Variants in INPP4B observed in about 807,000 individuals in gnomAD.
INPP4B encodes the protein inositol polyphosphate 4-phosphatase type II.
Under a neutral mutation model 122.5 loss-of-function variants are expected in INPP4B, and 55 were observed. The ratio of observed to expected loss-of-function variants is 0.45; its 90% CI spans 0.36 to 0.56. The LOEUF (loss-of-function observed/expected upper bound fraction) is 0.56, where lower values mean the gene tolerates loss of function less well. INPP4B is among the 20% of genes least tolerant of loss of function. INPP4B has a pLI of 0.00. For missense variants in INPP4B, 1,000 were observed against 1,097.7 expected, an observed-to-expected ratio of 0.91 and a Z score of 1.26; for synonymous variants, 403 against 388.7, an observed-to-expected ratio of 1.04 and a Z score of -0.43.
chr4:142,378,618 C>A lies in INPP4B; in HGVS notation c.372+24320G>T, dbSNP rs957477986. Among the ~76,000 whole-genome samples, 10 of 152,266 alleles carry A rather than the reference C, an allele frequency of 6.6e-5. No homozygotes were observed. In the East Asian group the frequency reaches 1.7e-3, roughly 26 times the overall value. ...TAAGCCTACATTAATTGAAAAGATTCTCTCCTTAGAGAGGAGAATATGTCT... is the reference window on the plus strand; with the variant it reads ...TAAGCCTACATTAATTGAAAAGATTATCTCCTTAGAGAGGAGAATATGTCT... On this transcript the variant is annotated intron_variant, in intron 7 of 25. Transcript: ENST00000262992.
At chr4:142,384,067 C>G (rs895217429) in intron 7 of INPP4B, 1 of 701,904 alleles carries the variant, frequency 1.4e-6, no homozygotes, top group African/African-American at 1.7e-5. Flanking sequence ...TGTCTCAGCT[C>G]TGAGGACCTC....
chr4:142,712,047 C>CA (rs1335194245), intron 2 of INPP4B, among the ~76,000 whole-genome samples: 193 of 152,004 alleles, frequency 1.3e-3, no homozygotes, highest in East Asian at 3.9e-4. Flanking sequence ...GACTCTGTCT[C>CA]AAAAATAATA....
intron 7 of INPP4B, among the ~76,000 whole-genome samples, chr4:142,369,628 A>G (rs1008449700): frequency 6.7e-6 from 1 of 150,244 alleles, no homozygotes; most frequent in Non-Finnish European, 1.5e-5. Flanking sequence ...AAATAAAAAA[A>G]TAAAAAAAAT....
chr4:142,795,990 G>GA (rs1160153245), intron 1 of INPP4B, among the ~76,000 whole-genome samples: 9 of 151,812 alleles, frequency 5.9e-5, no homozygotes, highest in African/African-American at 2.2e-4. Flanking sequence ...TCTAATATGA[G>GA]AAAAATGTAC....
chr4:142,031,461 T>C (rs951788774), intron 25 of INPP4B, among the ~76,000 whole-genome samples: 28 of 152,214 alleles, frequency 1.8e-4, no homozygotes, highest in African/African-American at 6.8e-4. Flanking sequence ...TCATACAATA[T>C]GAATTAGTGT....
At chr4:142,249,719 C>T (rs1731005427) in intron 11 of INPP4B, among the ~76,000 whole-genome samples, 2 of 152,134 alleles carry the variant, frequency 1.3e-5, no homozygotes, top group Admixed American at 6.5e-5. Flanking sequence ...AAAACCTAGG[C>T]TTTAAAATCA....
intron 7 of INPP4B, among the ~76,000 whole-genome samples, chr4:142,380,937 C>T (rs781252976): frequency 1.3e-5 from 2 of 152,104 alleles, no homozygotes; most frequent in South Asian, 2.1e-4. Flanking sequence ...CAATTTATTA[C>T]ATCCTTCTTT....
intron 23 of INPP4B, among the ~76,000 whole-genome samples, chr4:142,092,309 G>C (rs1460594011): frequency 6.6e-6 from 1 of 152,058 alleles, no homozygotes; most frequent in African/African-American, 2.4e-5. Context: ...TTTGTTTTTT[G>C]AGACAGAGTC....
At chr4:142,288,468 C>T (rs908822566) in intron 9 of INPP4B, among the ~76,000 whole-genome samples, 1 of 152,082 alleles carries the variant, frequency 6.6e-6, no homozygotes, top group East Asian at 1.9e-4. Flanking sequence ...CCTGTAGTCC[C>T]AGCTACTCAG....
rs60148840 is a variant in INPP4B, at chr4:142,462,389, T to C, written c.-127+274A>G. Among the ~76,000 whole-genome samples the C allele has an allele frequency of 6.2e-3, 948 of 152,310 alleles. 14 individuals are homozygous for C. Among genetic ancestry groups the C allele is most frequent in the African/African-American group, 0.022 (894 of 41,576 alleles). ...TTCCCAAATAAAGCATATGCATTAA[T>C]TTAATAATAAGTAATAATATTAATT... On this transcript the variant is annotated intron_variant, in intron 3 of 25. Transcript: ENST00000262992.
chr4:142,792,927 C>A (rs572075185), intron 1 of INPP4B, among the ~76,000 whole-genome samples: 2 of 151,818 alleles, frequency 1.3e-5, no homozygotes, highest in Non-Finnish European at 2.9e-5. Context: ...TTCTCTATAC[C>A]CCAATCTTGG....
intron 7 of INPP4B, among the ~76,000 whole-genome samples, chr4:142,333,010 C>CAA (rs1158290884): frequency 0.023 from 986 of 42,970 alleles, 20 homozygotes; most frequent in African/African-American, 0.027. Context: ...GACTCCGTCT[C>CAA]AAAAAAAAAA....
At chr4:142,052,541 G>A (rs527578951) in intron 25 of INPP4B, among the ~76,000 whole-genome samples, 1 of 152,154 alleles carries the variant, frequency 6.6e-6, no homozygotes, top group Non-Finnish European at 1.5e-5. Context: ...GACAAGACAT[G>A]TACAAATAAT....
At chr4:142,285,226 A>G (rs1205385634) in intron 9 of INPP4B, among the ~76,000 whole-genome samples, 1 of 152,058 alleles carries the variant, frequency 6.6e-6, no homozygotes, top group African/African-American at 2.4e-5. Context: ...AGGGCAGAGA[A>G]AAGCCTGAGA....
At chr4:142,586,171 A>G (rs1322553535) in intron 2 of INPP4B, among the ~76,000 whole-genome samples, 2 of 151,978 alleles carry the variant, frequency 1.3e-5, no homozygotes, top group Non-Finnish European at 2.9e-5. Flanking sequence ...TTAGCTGGGC[A>G]TAATGGCTTC....
At chr4:142,805,078 T>C (rs1213286599) in intron 1 of INPP4B, among the ~76,000 whole-genome samples, 1 of 152,182 alleles carries the variant, frequency 6.6e-6, no homozygotes, top group Non-Finnish European at 1.5e-5. Flanking sequence ...AACAACCGAA[T>C]GGTTATATTA....
In INPP4B at chr4:142,608,335, G is replaced by A. The variant is rs183890142; in HGVS notation, c.-191+117504C>T. Among the ~76,000 whole-genome samples, 3 of 151,968 alleles carry A rather than the reference G, an allele frequency of 2.0e-5. No individual in the cohort carries two copies. In the South Asian group the frequency reaches 6.2e-4, roughly 32 times the overall value. On this transcript the variant is annotated intron_variant, in intron 2 of 25. Coordinates refer to ENST00000262992, the MANE Select transcript of INPP4B (RefSeq NM_001101669.3). Reference sequence around the variant, plus strand: ...ACCTTCATGAAAATACCACACCTTTGGCATTATAGTGAGTTGGAAGAAAAT... The same window carrying A: ...ACCTTCATGAAAATACCACACCTTTAGCATTATAGTGAGTTGGAAGAAAAT...
chr4:142,737,934 G>A (rs1452974341), intron 1 of INPP4B, among the ~76,000 whole-genome samples: 3 of 152,160 alleles, frequency 2.0e-5, no homozygotes, highest in East Asian at 3.9e-4. Context: ...AGTTAGAATG[G>A]CAATCATTAA....
At chr4:142,399,757 G>C (rs1162081939) in intron 7 of INPP4B, among the ~76,000 whole-genome samples, 1 of 152,158 alleles carries the variant, frequency 6.6e-6, no homozygotes, top group East Asian at 1.9e-4. Flanking sequence ...TGTTATGGCA[G>C]CTCATCCTGA....
Sources: allele counts gnomAD v4.1 joint callset (sites outside exome capture counted in the v4.1 genomes callset), GRCh38; gene constraint gnomAD v4.1.1; transcripts MANE v1.5; gene names NCBI Gene and HGNC (gene_info 2026-07-23, HGNC 2026-07-21).